Variants in TFAM observed in about 807,000 individuals in gnomAD.
TFAM encodes transcription factor A, mitochondrial.
TFAM carries 13 observed loss-of-function variants against 30.6 expected under a neutral mutation model. That is an observed-to-expected ratio of 0.42 (90% confidence interval 0.28 to 0.67). The LOEUF is 0.67. TFAM is among the 30% of genes least tolerant of loss of function. The pLI, the probability that TFAM is intolerant of heterozygous loss-of-function variation, is 0.21. For missense variants in TFAM, 231 were observed against 293.7 expected, an observed-to-expected ratio of 0.79 and a Z score of 1.56; for synonymous variants, 106 against 94.8, an observed-to-expected ratio of 1.12 and a Z score of -0.69.
chr10:58,388,127 T>C, intron 2 of TFAM, 63 bp from the exon 3 acceptor site: 4 of 1,327,120 alleles, frequency 3.0e-6, no homozygotes, highest in Non-Finnish European at 4.3e-6. Context: ...CCTGGATATC[T>C]TTAGAAATTA....
Position 58,385,837 on chromosome 10 carries a change from G to C in TFAM, c.101+189G>C, listed in dbSNP as rs4397793. ...AGGCCTTTATTTACTCTCTTAATAC[G>C]CCGTACCTTCTTGCTACCCTCCACT... On this transcript the variant is annotated intron_variant, in intron 1 of 6. Transcript: ENST00000487519. Among the ~76,000 whole-genome samples the C allele has an allele frequency of 0.49, 74,417 of 151,984 alleles. 19,577 individuals are homozygous for C. Among genetic ancestry groups the C allele is most frequent in the African/African-American group, 0.7 (29,091 of 41,470 alleles).
At chr10:58,393,228 C>T (rs950943563) in intron 5 of TFAM, among the ~76,000 whole-genome samples, 1 of 152,170 alleles carries the variant, frequency 6.6e-6, no homozygotes, top group Non-Finnish European at 1.5e-5. Context: ...ATCTGCCTGC[C>T]TCGGCCTCCC....
chr10:58,387,822 C>T (rs568511826), intron 2 of TFAM, among the ~76,000 whole-genome samples: 188 of 151,822 alleles, frequency 1.2e-3, no homozygotes, highest in Middle Eastern at 3.4e-3. Context: ...CCCAGCTACT[C>T]GGGAGGCTGA....
At chr10:58,390,996 A>C (rs567812255) in intron 5 of TFAM, 136 bp downstream of exon 5, 4 of 800,068 alleles carry the variant, frequency 5.0e-6, no homozygotes, top group East Asian at 2.7e-5. Flanking sequence ...CTCTTTAAAG[A>C]AAAATCTTTT....
chr10:58,389,969 A>G (rs529143016), intron 4 of TFAM, among the ~76,000 whole-genome samples: 1 of 152,224 alleles, frequency 6.6e-6, no homozygotes, highest in Non-Finnish European at 1.5e-5. Context: ...TGATAGCTCT[A>G]GAAACAAAGA....
At chr10:58,392,847 T>G (rs1044331011) in intron 5 of TFAM, among the ~76,000 whole-genome samples, 5 of 152,066 alleles carry the variant, frequency 3.3e-5, no homozygotes, top group African/African-American at 4.8e-5. Flanking sequence ...GCTAATTTTT[T>G]GGGTATTTTG....
chr10:58,394,402 C>T lies in TFAM; in HGVS notation c.582C>T (p.Asp194=). 1 of 1,613,502 alleles carries T rather than the reference C, an allele frequency of 6.2e-7. No homozygotes were observed. The highest frequency in any genetic ancestry group is 2.2e-5 in the East Asian group (1 of 44,798). ...AGGAAAACTGGAAAAATCTGTCTGACTCTGAAAAGGAAGTGAGTATTACGG... is the reference window on the plus strand; with the variant it reads ...AGGAAAACTGGAAAAATCTGTCTGATTCTGAAAAGGAAGTGAGTATTACGG... ...TVKENWKNLS[D]SEKELYIQHA... The change falls in exon 6 of 7, where the codon GAC becomes GAT. Residue 194 remains aspartate (D), a synonymous_variant. Transcript: ENST00000487519.
intron 6 of TFAM, 28 bp from the exon 7 acceptor site, chr10:58,394,900 T>C (rs369768002): frequency 3.1e-5 from 50 of 1,595,636 alleles, no homozygotes; most frequent in Non-Finnish European, 3.9e-5. Context: ...AATAAGTAAA[T>C]CATTTTAACA....
At position 58,390,769 on chromosome 10, in the gene TFAM, T is replaced by C. The variant is rs1297598421; in HGVS notation, c.446T>C (p.Leu149Ser). The C allele has an allele frequency of 1.2e-6, 2 of 1,612,146 alleles. No homozygotes were observed. The highest frequency in any genetic ancestry group is 1.7e-6 in the Non-Finnish European group (2 of 1,179,540). ...CCTCCAATTTTTTTAATTCAGGAGT[T>C]AACACTGCTTGGAAAACCAAAAAGA... is the stretch of plus-strand genomic sequence containing the variant. ...KRKAMTKKKELTLLGKPKRPR... is the reference protein window; with the variant it reads ...KRKAMTKKKESTLLGKPKRPR... The change falls in exon 5 of 7, where the codon TTA (leucine) becomes TCA (serine). Residue 149 changes from leucine to serine, a missense_variant. Physicochemically the swap from Leu to Ser is moderately radical, Grantham distance 145 (BLOSUM62 -2). Transcript: ENST00000487519.
rs1006337089 is a variant in TFAM, at chr10:58,398,655, C to T, written c.*3581C>T. On this transcript the variant is annotated 3_prime_UTR_variant, in exon 7 of 7. Transcript: ENST00000487519. ...ATAAGTAGATTTAAAGTAATTAGAA[C>T]ACTTTATTGATTTTTCTGATGTTTT... is the stretch of plus-strand genomic sequence containing the variant. 1 of 151,946 alleles carries T rather than the reference C, an allele frequency of 6.6e-6. No homozygotes were observed. Among genetic ancestry groups the T allele is most frequent in the African/African-American group, 2.4e-5 (1 of 41,356 alleles). The allele number at this position is 151,946 out of a possible 1,614,324, so 9.4% of individuals were successfully genotyped here. A position where few individuals can be genotyped will look rare whatever the true frequency, so the allele number is the denominator to read the frequency against.
intron 5 of TFAM, among the ~76,000 whole-genome samples, chr10:58,393,215 A>C (rs976748523): frequency 2.0e-5 from 3 of 151,834 alleles, no homozygotes; most frequent in Non-Finnish European, 4.4e-5. Context: ...TCCTGACCTC[A>C]TGATCTGCCT....
chr10:58,394,796 T>G, intron 6 of TFAM, 132 bp from the exon 7 acceptor site: 1 of 872,386 alleles, frequency 1.1e-6, no homozygotes, highest in South Asian at 1.7e-5. Flanking sequence ...CCAGTCTGCC[T>G]TTATACATGT....
chr10:58,394,246 T>C, intron 5 of TFAM, 112 bp from the exon 6 acceptor site: 2 of 802,410 alleles, frequency 2.5e-6, no homozygotes, highest in Non-Finnish European at 4.4e-6. Flanking sequence ...ATGTTAAGAA[T>C]TGATGAGGCT....
chr10:58,395,242 A>C lies in TFAM; in HGVS notation c.*168A>C, dbSNP rs575539576. ...TCTGCCAGCATAATACTTGCTTTGG[A>C]AAACCCAGATAAAGGTTCATGCAAA... On this transcript the variant is annotated 3_prime_UTR_variant, in exon 7 of 7. Transcript: ENST00000487519. 2 of 711,572 alleles carry C rather than the reference A, an allele frequency of 2.8e-6. No homozygotes were observed. Among genetic ancestry groups the C allele is most frequent in the African/African-American group, 1.8e-5 (1 of 55,434 alleles). The allele number at this position is 711,572 out of a possible 1,614,324, so 44.1% of individuals were successfully genotyped here.
chr10:58,394,507 T>G (rs1467084708), intron 6 of TFAM, 93 bp downstream of exon 6: 1 of 1,036,528 alleles, frequency 9.6e-7, no homozygotes, highest in South Asian at 1.3e-5. Context: ...AAGACAACCT[T>G]GTATTACTAA....
chr10:58,390,263 T>C (rs1840566945), intron 4 of TFAM, among the ~76,000 whole-genome samples: 1 of 152,218 alleles, frequency 6.6e-6, no homozygotes, highest in Non-Finnish European at 1.5e-5. Flanking sequence ...TGTATTCTTT[T>C]CCACAGTTTC....
chr10:58,395,186 A>G lies in TFAM; in HGVS notation c.*112A>G. On this transcript the variant is annotated 3_prime_UTR_variant, in exon 7 of 7. Transcript: ENST00000487519. Reference sequence around the variant, plus strand: ...AGGATAAAGTTGGTAAACCTTTTATATTTAGTATCTTTTTATTCAGCTCAT... The same window carrying G: ...AGGATAAAGTTGGTAAACCTTTTATGTTTAGTATCTTTTTATTCAGCTCAT... The G allele has an allele frequency of 9.0e-7, 1 of 1,114,760 alleles. No individual in the cohort carries two copies. Among genetic ancestry groups the G allele is most frequent in the Non-Finnish European group, 1.3e-6 (1 of 753,372 alleles). The allele number at this position is 1,114,760 out of a possible 1,614,324, so 69.1% of individuals were successfully genotyped here.
intron 6 of TFAM, 78 bp downstream of exon 6, chr10:58,394,492 A>G (rs979398969): frequency 2.6e-6 from 3 of 1,176,214 alleles, no homozygotes; most frequent in Non-Finnish European, 3.8e-6. Flanking sequence ...GGCTTGATTC[A>G]TGTGAAGACA....
At chr10:58,385,671 T>A in intron 1 of TFAM, 23 bp downstream of exon 1, 1 of 1,532,462 alleles carries the variant, frequency 6.5e-7, no homozygotes, top group Non-Finnish European at 8.8e-7. Context: ...GCCTGTGCCC[T>A]AGGGGCAGCA....
Sources: allele counts gnomAD v4.1 joint callset (sites outside exome capture counted in the v4.1 genomes callset), GRCh38; gene constraint gnomAD v4.1.1; transcripts MANE v1.5; gene names NCBI Gene and HGNC (gene_info 2026-07-23, HGNC 2026-07-21).